Variants in WBP2NL observed in about 807,000 individuals in gnomAD.
WBP2NL encodes the protein postacrosomal sheath WW domain-binding protein.
Under a neutral mutation model 23.3 loss-of-function variants are expected in WBP2NL, and 27 were observed. The ratio of observed to expected loss-of-function variants is 1.16; its 90% CI spans 0.85 to 1.60. The LOEUF (loss-of-function observed/expected upper bound fraction) is 1.60. Ranked by LOEUF, WBP2NL falls within the 40% of genes most tolerant of loss-of-function variation. WBP2NL has a pLI of 0.00. For synonymous variants in WBP2NL, 151 were observed against 145.9 expected (o/e 1.03, Z -0.25); for missense variants, 370 against 389.5 (o/e 0.95, Z 0.42).
intron 4 of WBP2NL, among the ~76,000 whole-genome samples, chr22:42,020,884 A>G (rs1443125258): frequency 7.2e-4 from 28 of 38,770 alleles, no homozygotes; most frequent in African/African-American, 2.9e-3. Flanking sequence ...ATATATATAT[A>G]TATATATATA....
At chr22:42,005,767 GA>G (rs1922171720) in intron 1 of WBP2NL, among the ~76,000 whole-genome samples, 1 of 152,186 alleles carries the variant, frequency 6.6e-6, no homozygotes, top group Non-Finnish European at 1.5e-5. Context: ...ACTTGCAGTG[GA>G]AAATTTAAAT....
intron 1 of WBP2NL, 150 bp downstream of exon 1, chr22:41,999,030 G>C: frequency 1.1e-6 from 1 of 906,618 alleles, no homozygotes; most frequent in Non-Finnish European, 1.5e-6. Context: ...GGGAGCGCGC[G>C]CCCCTCACTG....
At chr22:42,024,999 C>T (rs1430173039) in intron 5 of WBP2NL, among the ~76,000 whole-genome samples, 1 of 152,156 alleles carries the variant, frequency 6.6e-6, no homozygotes, top group East Asian at 1.9e-4. Context: ...GATGTAGTTT[C>T]ACCATGTTGT....
At chr22:42,009,506 G>A (rs999291570) in intron 1 of WBP2NL, among the ~76,000 whole-genome samples, 1 of 152,094 alleles carries the variant, frequency 6.6e-6, no homozygotes, top group African/African-American at 2.4e-5. Flanking sequence ...TAAGATAAAG[G>A]TATGACTTCA....
chr22:42,022,130 G>A (rs771540625), intron 4 of WBP2NL, 119 bp from the exon 5 acceptor site: 17 of 818,374 alleles, frequency 2.1e-5, no homozygotes, highest in African/African-American at 3.4e-5. Flanking sequence ...TGTCTCAAGA[G>A]CATTGTTGGA....
At position 42,019,647 on chromosome 22, in the gene WBP2NL, T is replaced by C. The variant is rs747944311; in HGVS notation, c.172-15T>C. Reference sequence around the variant, plus strand: ...AATTCTGCATTCCTTTTCCAAAGTTTCTGTCCTTGCGTAGGTGATTTTCAT... The same window carrying C: ...AATTCTGCATTCCTTTTCCAAAGTTCCTGTCCTTGCGTAGGTGATTTTCAT... On this transcript the variant is annotated splice_polypyrimidine_tract_variant and intron_variant, in intron 2 of 5. Transcript: ENST00000328823. 6.2e-7 allele frequency: 1 copy of C among 1,613,776 alleles called. No homozygotes were observed. Among genetic ancestry groups the C allele is most frequent in the Admixed American group, 1.7e-5 (1 of 59,994 alleles).
Position 42,027,692 on chromosome 22 carries a change from T to A in WBP2NL, c.*511T>A. ...CTATGTCTAGAGGTAGAGAAAGCCTTCTTTGAGGAGACCAAAACCAACAAA... is the reference window on the plus strand; with the variant it reads ...CTATGTCTAGAGGTAGAGAAAGCCTACTTTGAGGAGACCAAAACCAACAAA... On this transcript the variant is annotated 3_prime_UTR_variant, in exon 6 of 6. Coordinates refer to ENST00000328823, the MANE Select transcript of WBP2NL (RefSeq NM_152613.3). The A allele has an allele frequency of 3.1e-6, 1 of 323,642 alleles. No homozygotes were observed. The highest frequency in any genetic ancestry group is 4.7e-5 in the East Asian group (1 of 21,182). 20.0% of individuals were successfully genotyped at this position (323,642 alleles called of 1,614,324 possible).
At position 42,027,368 on chromosome 22, in the gene WBP2NL, A is replaced by G; in HGVS notation, c.*187A>G. 1.5e-6 allele frequency: 1 copy of G among 684,240 alleles called. No homozygotes were observed. The highest frequency in any genetic ancestry group is 3.1e-5 in the South Asian group (1 of 32,742). The allele number at this position is 684,240 out of a possible 1,614,324, so 42.4% of individuals were successfully genotyped here. A position where few individuals can be genotyped will look rare whatever the true frequency, so the allele number is the denominator to read the frequency against. On this transcript the variant is annotated 3_prime_UTR_variant, in exon 6 of 6. Transcript: ENST00000328823. ...TCTGTGCCTAGATTTTAGAAGCAGA[A>G]TCAACTCTTAAATAGCTGGCTAAAG...
intron 8 of WBP2NL, among the ~76,000 whole-genome samples, chr22:42,055,798 G>C (rs1192961119): frequency 6.6e-6 from 1 of 151,998 alleles, no homozygotes; most frequent in South Asian, 2.1e-4. Context: ...TTTGGATCTA[G>C]TAACAATTTT....
chr22:42,039,548 T>C (rs1233633407), intron 8 of WBP2NL, among the ~76,000 whole-genome samples: 1 of 152,128 alleles, frequency 6.6e-6, no homozygotes, highest in Admixed American at 6.6e-5. Flanking sequence ...CTGCTCAGAC[T>C]TTCTGTTTCT....
At chr22:42,034,543 G>T (rs572022119), downstream of WBP2NL, among the ~76,000 whole-genome samples, 186 of 152,310 alleles carry the variant, frequency 1.2e-3, 1 homozygote, top group African/African-American at 4.5e-3. Context: ...GAAGTTTCAG[G>T]CACCATTGTC....
chr22:42,041,494 A>AAAAG (rs1014641289), intron 8 of WBP2NL, among the ~76,000 whole-genome samples: 3 of 151,388 alleles, frequency 2.0e-5, no homozygotes, highest in African/African-American at 7.3e-5. Flanking sequence ...AAAAAAAAAA[A>AAAAG]AAAAAAAAAA....
At chr22:42,049,799 AATTG>A (rs1032029912) in intron 8 of WBP2NL, among the ~76,000 whole-genome samples, 5 of 151,612 alleles carry the variant, frequency 3.3e-5, no homozygotes, top group African/African-American at 1.2e-4. Flanking sequence ...AGAAAAAAAT[AATTG>A]ATAGGTTGAA....
chr22:42,040,769 A>C (rs1380550212), intron 8 of WBP2NL, among the ~76,000 whole-genome samples: 3 of 152,248 alleles, frequency 2.0e-5, no homozygotes, highest in African/African-American at 7.2e-5. Flanking sequence ...TGGCCTAAGA[A>C]GATACCAGGT....
intron 1 of WBP2NL, among the ~76,000 whole-genome samples, chr22:42,013,724 C>T (rs187961927): frequency 1.3e-5 from 2 of 152,210 alleles, no homozygotes; most frequent in African/African-American, 2.4e-5. Flanking sequence ...ATTCTCTTGC[C>T]TCAGCCTCCT....
intron 1 of WBP2NL, among the ~76,000 whole-genome samples, chr22:42,012,800 G>C (rs1437082230): frequency 6.6e-6 from 1 of 151,646 alleles, no homozygotes; most frequent in Non-Finnish European, 1.5e-5. Context: ...AGACCATTCT[G>C]GCTAACATGG....
At chr22:42,039,553 G>T (rs1925323926) in intron 8 of WBP2NL, among the ~76,000 whole-genome samples, 4 of 151,960 alleles carry the variant, frequency 2.6e-5, no homozygotes, top group Admixed American at 2.6e-4. Flanking sequence ...CAGACTTTCT[G>T]TTTCTTCTTG....
At chr22:42,010,972 G>A (rs1260551362) in intron 1 of WBP2NL, among the ~76,000 whole-genome samples, 2 of 152,188 alleles carry the variant, frequency 1.3e-5, no homozygotes, top group Non-Finnish European at 2.9e-5. Flanking sequence ...TGCATTCTAG[G>A]AGTAAACCCC....
chr22:42,003,584 A>G (rs982554761), intron 1 of WBP2NL: 6 of 152,236 alleles, frequency 3.9e-5, no homozygotes, highest in African/African-American at 1.4e-4. Context: ...TGTACTTTGT[A>G]TACAAATAAA....
Sources: allele counts gnomAD v4.1 joint callset (sites outside exome capture counted in the v4.1 genomes callset), GRCh38; gene constraint gnomAD v4.1.1; transcripts MANE v1.5; gene names NCBI Gene and HGNC (gene_info 2026-07-23, HGNC 2026-07-21).